The following ADGRE3 variants were observed in gnomAD, a reference collection of about 807,000 sequenced individuals.
ADGRE3 encodes the protein adhesion G protein-coupled receptor E3.
ADGRE3 carries 88 observed loss-of-function variants against 80.1 expected under a neutral mutation model. The ratio of observed to expected loss-of-function variants is 1.10; its 90% CI spans 0.93 to 1.31. ADGRE3 has a LOEUF of 1.31. Among genes scored for constraint, ADGRE3 ranks in the 40% most tolerant of loss-of-function variants. The probability of loss-of-function intolerance (pLI) is 0.00; values close to 1 mark genes in which losing one functional copy is unlikely to be tolerated. For missense variants in ADGRE3, 715 were observed against 776.5 expected (o/e 0.92, Z 0.94); for synonymous variants, 281 against 294.8 (o/e 0.95, Z 0.48).
At chr19:14,652,595 C>A (rs1971637151) in intron 6 of ADGRE3, among the ~76,000 whole-genome samples, 1 of 151,784 alleles carries the variant, frequency 6.6e-6, no homozygotes, top group African/African-American at 2.4e-5. Context: ...GCCTGGCCAA[C>A]ATGGTGAAAT....
rs530161208 is a variant in ADGRE3 at position 14,641,287 on chromosome 19, G to C, written c.1248+132C>G. Reference sequence around the variant, plus strand: ...TGGGTCCCAGCTACGATCTCAGAAGGGTAGCGGGAAAATTATATTTTTCTC... The same window carrying C: ...TGGGTCCCAGCTACGATCTCAGAAGCGTAGCGGGAAAATTATATTTTTCTC... On this transcript the variant is annotated intron_variant, in intron 10 of 15. Transcript: ENST00000253673. 2.0e-4 allele frequency: 219 copies of C among 1,088,998 alleles called. 3 individuals are homozygous for C. In the South Asian group the frequency reaches 2.8e-3, roughly 14 times the overall value. The allele number at this position is 1,088,998 out of a possible 1,614,324, so 67.5% of individuals were successfully genotyped here.
Position 14,654,964 on chromosome 19 carries a change from T to A in ADGRE3, c.577+18A>T, listed in dbSNP as rs1397977782. On this transcript the variant is annotated intron_variant, in intron 6 of 15. Transcript: ENST00000253673. ...CTAACCAGTCCCCAGGGTGTATCAG[T>A]CCTCATTATTGTCTTACCTACACTA... 1 of 1,609,268 alleles carries A rather than the reference T, an allele frequency of 6.2e-7. No individual in the cohort carries two copies. The highest frequency in any genetic ancestry group is 1.1e-5 in the South Asian group (1 of 90,596).
intron 8 of ADGRE3, among the ~76,000 whole-genome samples, chr19:14,646,401 T>G (rs1971399521): frequency 6.6e-6 from 1 of 152,144 alleles, no homozygotes; most frequent in South Asian, 2.1e-4. Flanking sequence ...GGTGTGACCT[T>G]TCTTCTTTTC....
At chr19:14,647,844 C>G (rs1430574406) in intron 7 of ADGRE3, among the ~76,000 whole-genome samples, 1 of 151,204 alleles carries the variant, frequency 6.6e-6, no homozygotes, top group Non-Finnish European at 1.5e-5. Context: ...CTTTGGGAGG[C>G]TGAGGGGGTG....
At chr19:14,651,971 G>A (rs572667766) in intron 6 of ADGRE3, among the ~76,000 whole-genome samples, 28 of 152,300 alleles carry the variant, frequency 1.8e-4, no homozygotes, top group Non-Finnish European at 2.6e-4. Flanking sequence ...GAACCGGGGA[G>A]GCAGAGGTTG....
At chr19:14,663,634 T>C in intron 2 of ADGRE3, 94 bp from the exon 3 acceptor site, 1 of 1,427,204 alleles carries the variant, frequency 7.0e-7, no homozygotes, top group Non-Finnish European at 9.4e-7. Flanking sequence ...AGGTCAGGAG[T>C]TCAAGAGCAG....
At chr19:14,673,997 TTTGAG>T (rs1972322465) in intron 1 of ADGRE3, among the ~76,000 whole-genome samples, 1 of 152,154 alleles carries the variant, frequency 6.6e-6, no homozygotes. Context: ...TCTTTTGGTG[TTTGAG>T]TTATTTCACT....
chr19:14,652,565 A>T (rs1353405993), intron 6 of ADGRE3, among the ~76,000 whole-genome samples: 4 of 151,996 alleles, frequency 2.6e-5, no homozygotes, highest in Non-Finnish European at 5.9e-5. Context: ...TGATTGCTTG[A>T]GGTCAGGAGT....
At chr19:14,633,420 T>G (rs1970939156) in intron 11 of ADGRE3, 118 bp from the exon 12 acceptor site, 3 of 751,858 alleles carry the variant, frequency 4.0e-6, no homozygotes, top group Non-Finnish European at 4.2e-6. Flanking sequence ...AGTCAGCTGA[T>G]GACAGGCCAG....
chr19:14,602,438 G>A, the ADGRE3 span, among the ~76,000 whole-genome samples: 2 of 152,200 alleles, frequency 1.3e-5, no homozygotes, highest in African/African-American at 4.8e-5. Context: ...GACAACAGGT[G>A]TGTGCCACCA....
At chr19:14,635,978 A>G (rs1351660170) in intron 11 of ADGRE3, among the ~76,000 whole-genome samples, 3 of 115,088 alleles carry the variant, frequency 2.6e-5, no homozygotes, top group African/African-American at 5.9e-5. Context: ...AGTATTGCCA[A>G]TAAAGCTCTC....
downstream of ADGRE3, among the ~76,000 whole-genome samples, chr19:14,615,774 TAGAG>T (rs931997761): frequency 7.5e-4 from 111 of 147,862 alleles, no homozygotes; most frequent in Middle Eastern, 3.5e-3. Flanking sequence ...AAAAAAAAAT[TAGAG>T]AGACAGGTTC....
chr19:14,655,139 C>T lies in ADGRE3; in HGVS notation c.420G>A (p.Glu140=), dbSNP rs201504655. Residue 140 remains glutamate (E), a synonymous_variant, in exon 6 of 16, where the codon GAG becomes GAA. Coordinates refer to ENST00000253673, the MANE Select transcript of ADGRE3 (RefSeq NM_032571.5). ...ATAAAGTCTGATTGGTGAGAAGTGA[C>T]TCAAATTTGTCCACAATCTTTTGCA... ...KELQKIVDKF[E]SLLTNQTLWR... The T allele has an allele frequency of 3.4e-5, 54 of 1,609,054 alleles. No homozygotes were observed. Among genetic ancestry groups the T allele is most frequent in the Non-Finnish European group, 4.5e-5 (53 of 1,178,676 alleles).
At chr19:14,658,488 G>A in intron 5 of ADGRE3, 25 bp downstream of exon 5, 1 of 1,537,562 alleles carries the variant, frequency 6.5e-7, no homozygotes, top group African/African-American at 1.4e-5. Context: ...ACCTGGGAAG[G>A]GTCTGGGGAT....
chr19:14,620,391 T>G (rs563270506), intron 15 of ADGRE3, among the ~76,000 whole-genome samples: 1 of 121,640 alleles, frequency 8.2e-6, no homozygotes, highest in Non-Finnish European at 1.8e-5. Flanking sequence ...CATATATACA[T>G]GTATATATGA....
intron 7 of ADGRE3, 101 bp downstream of exon 7, chr19:14,650,983 TA>T: frequency 8.0e-7 from 1 of 1,246,176 alleles, no homozygotes; most frequent in Non-Finnish European, 1.1e-6. Context: ...AGTTTGAGGG[TA>T]AAAAGCCCAT....
chr19:14,645,307 T>C (rs1971367319), intron 8 of ADGRE3, among the ~76,000 whole-genome samples: 2 of 152,174 alleles, frequency 1.3e-5, no homozygotes, highest in East Asian at 3.8e-4. Context: ...ACACAATAAT[T>C]GCTTATGCAA....
At chr19:14,653,402 A>G (rs1005566390) in intron 6 of ADGRE3, among the ~76,000 whole-genome samples, 4 of 152,118 alleles carry the variant, frequency 2.6e-5, no homozygotes, top group African/African-American at 4.8e-5. Context: ...GTTTCCTGTA[A>G]AAAAGAATGA....
rs190188025 is a variant in ADGRE3, at chr19:14,638,058, G to T, written c.1484+47C>A. ...ATCATCATGAATGCTGCCCTCAAAA[G>T]CTTTCTTAGGAAACTGTCCATGACA... On this transcript the variant is annotated intron_variant, in intron 11 of 15. Transcript: ENST00000253673. 105 of 1,417,654 alleles carry T rather than the reference G, an allele frequency of 7.4e-5. No individual in the cohort carries two copies. In the Middle Eastern group the frequency reaches 1.3e-3, roughly 18 times the overall value. 87.8% of individuals were successfully genotyped at this position (1,417,654 alleles called of 1,614,324 possible). A position where few individuals can be genotyped will look rare whatever the true frequency, so the allele number is the denominator to read the frequency against.
Sources: gnomAD v4.1 joint callset for allele counts (sites outside exome capture counted in the v4.1 genomes callset) on GRCh38, gnomAD v4.1.1 for gene constraint, MANE v1.5 for transcripts, NCBI Gene and HGNC (gene_info 2026-07-23, HGNC 2026-07-21) for gene names.